ZNF618: variants seen among roughly 807,000 people sequenced by gnomAD.
ZNF618 encodes zinc finger protein 618.
Under a neutral mutation model 103.0 loss-of-function variants are expected in ZNF618, and 34 were observed. The ratio of observed to expected loss-of-function variants is 0.33; its 90% CI spans 0.25 to 0.44. The LOEUF is 0.44. Ranked by LOEUF, ZNF618 falls within the 20% of genes least tolerant of loss-of-function variation. The pLI is 1.00. For synonymous variants in ZNF618, 551 were observed against 542.2 expected (o/e 1.02, Z -0.23); for missense variants, 1,059 against 1,295.4 (o/e 0.82, Z 2.80).
chr9:113,936,853 T>C (rs1834070616), intron 1 of ZNF618, among the ~76,000 whole-genome samples: 2 of 152,236 alleles, frequency 1.3e-5, no homozygotes, highest in Non-Finnish European at 2.9e-5. Flanking sequence ...ATTTAATCCA[T>C]GTGGGATTTC....
rs574201512 is a variant in ZNF618, at chr9:113,951,498, T to C, written c.34-17619T>C. ...ATGTGTACACATATATGTGTGTATGTGTACACATATATGTGTGTATATGTA... is the reference window on the plus strand; with the variant it reads ...ATGTGTACACATATATGTGTGTATGCGTACACATATATGTGTGTATATGTA... On this transcript the variant is annotated intron_variant, in intron 1 of 14. Transcript: ENST00000374126. Among the ~76,000 whole-genome samples, 213 of 102,438 alleles carry C rather than the reference T, an allele frequency of 2.1e-3. 45 individuals are homozygous for C. The highest frequency in any genetic ancestry group is 3.9e-3 in the Non-Finnish European group (186 of 47,568). The allele number at this position is 102,438 out of a possible 152,430, so 67.2% of individuals were successfully genotyped here.
At chr9:114,002,839 G>A (rs1057003056) in intron 6 of ZNF618, among the ~76,000 whole-genome samples, 177 bp downstream of exon 6, 1 of 152,236 alleles carries the variant, frequency 6.6e-6, no homozygotes, top group Non-Finnish European at 1.5e-5. Context: ...GTACCTCAGA[G>A]CAGCCCTTCC....
chr9:114,001,931 G>T (rs1841254521), intron 4 of ZNF618, 65 bp from the exon 5 acceptor site: 2 of 1,407,786 alleles, frequency 1.4e-6, no homozygotes, highest in Admixed American at 1.7e-5. Context: ...GGCATCGCCT[G>T]TGGGTCCTGG....
At chr9:113,898,677 T>C (rs1240163872) in intron 1 of ZNF618, among the ~76,000 whole-genome samples, 2 of 152,310 alleles carry the variant, frequency 1.3e-5, no homozygotes, top group East Asian at 3.9e-4. Flanking sequence ...TCCTTCTGCC[T>C]CAGCCTCTGG....
intron 1 of ZNF618, among the ~76,000 whole-genome samples, chr9:113,883,270 T>G (rs577442456): frequency 1.3e-5 from 2 of 152,314 alleles, no homozygotes; most frequent in South Asian, 4.1e-4. Flanking sequence ...GATCCTTAGT[T>G]GGGGAAATGC....
intron 2 of ZNF618, among the ~76,000 whole-genome samples, chr9:113,974,086 G>A (rs1387882647): frequency 6.6e-6 from 1 of 152,238 alleles, no homozygotes; most frequent in Non-Finnish European, 1.5e-5. Flanking sequence ...TGCCCTTGTA[G>A]AGCTGATGTT....
intron 11 of ZNF618, among the ~76,000 whole-genome samples, chr9:114,030,235 A>G (rs1263183606): frequency 6.6e-6 from 1 of 152,218 alleles, no homozygotes; most frequent in East Asian, 1.9e-4. Flanking sequence ...TAGATCTCCC[A>G]AAAGGAGAGT....
At chr9:113,931,842 T>C (rs926166565) in intron 1 of ZNF618, among the ~76,000 whole-genome samples, 17 of 152,256 alleles carry the variant, frequency 1.1e-4, no homozygotes, top group Non-Finnish European at 2.4e-4. Flanking sequence ...TTTTTAAATG[T>C]GTCTACTAGA....
At chr9:113,981,555 A>G (rs1013563752) in intron 2 of ZNF618, among the ~76,000 whole-genome samples, 4 of 152,216 alleles carry the variant, frequency 2.6e-5, no homozygotes, top group Non-Finnish European at 5.9e-5. Context: ...ACTCTTAAGC[A>G]TCATCATTAT....
intron 1 of ZNF618, among the ~76,000 whole-genome samples, chr9:113,943,380 G>C (rs1300758169): frequency 3.3e-5 from 5 of 152,160 alleles, no homozygotes; most frequent in Non-Finnish European, 2.9e-5. Flanking sequence ...CTGGGCAGCA[G>C]TGACTGCGTG....
At chr9:113,887,324 C>T (rs1249598424) in intron 1 of ZNF618, among the ~76,000 whole-genome samples, 1 of 152,062 alleles carries the variant, frequency 6.6e-6, no homozygotes, top group Non-Finnish European at 1.5e-5. Context: ...ATGTTGTTTC[C>T]CACTCTGCTT....
intron 1 of ZNF618, 66 bp downstream of exon 1, chr9:113,876,479 G>T: frequency 8.8e-7 from 1 of 1,137,860 alleles, no homozygotes; most frequent in African/African-American, 1.6e-5. Flanking sequence ...CCGGGGCGCT[G>T]CGCCACTTCA....
intron 1 of ZNF618, among the ~76,000 whole-genome samples, chr9:113,944,467 C>T (rs1431371794): frequency 6.6e-6 from 1 of 152,066 alleles, no homozygotes; most frequent in African/African-American, 2.4e-5. Context: ...TTCATTGAGA[C>T]GGGATTTTGC....
intron 2 of ZNF618, among the ~76,000 whole-genome samples, chr9:113,973,725 A>C (rs199895350): frequency 2.0e-5 from 3 of 152,238 alleles, no homozygotes; most frequent in African/African-American, 4.8e-5. Context: ...TTTGTAATCA[A>C]GTAAATGCAG....
At chr9:113,917,148 C>T (rs1832184336) in intron 1 of ZNF618, among the ~76,000 whole-genome samples, 1 of 151,846 alleles carries the variant, frequency 6.6e-6, no homozygotes, top group Admixed American at 6.6e-5. Flanking sequence ...CTTGCTGTTT[C>T]CTTGCCCAGA....
chr9:114,007,227 C>A, intron 6 of ZNF618, 123 bp from the exon 7 acceptor site: 1 of 746,040 alleles, frequency 1.3e-6, no homozygotes, highest in Non-Finnish European at 2.2e-6. Context: ...GAGACTGCTT[C>A]CTCCCTCCGC....
chr9:114,009,631 A>G (rs569254481), intron 9 of ZNF618, among the ~76,000 whole-genome samples: 1 of 152,280 alleles, frequency 6.6e-6, no homozygotes, highest in South Asian at 2.1e-4. Flanking sequence ...CTACCCAGCA[A>G]GAAGAGACCT....
intron 13 of ZNF618, among the ~76,000 whole-genome samples, chr9:114,036,894 C>G (rs954392368): frequency 9.2e-5 from 14 of 152,196 alleles, no homozygotes; most frequent in Non-Finnish European, 1.8e-4. Context: ...GGAGGGCTTG[C>G]TTGAGCACAG....
intron 1 of ZNF618, among the ~76,000 whole-genome samples, chr9:113,938,660 C>G (rs1178931801): frequency 2.7e-5 from 4 of 148,780 alleles, no homozygotes; most frequent in African/African-American, 7.4e-5. Context: ...CCTCTGCCTT[C>G]TGGGTTCAAG....
Sources: allele counts gnomAD v4.1 joint callset (sites outside exome capture counted in the v4.1 genomes callset), GRCh38; gene constraint gnomAD v4.1.1; transcripts MANE v1.5; gene names NCBI Gene and HGNC (gene_info 2026-07-23, HGNC 2026-07-21).